The following VPS13B variants were observed in gnomAD, a reference collection of about 807,000 sequenced individuals.
The protein encoded by VPS13B is vacuolar protein sorting 13 homolog B, also known as intermembrane lipid transfer protein VPS13B.
A neutral mutation model predicts 426.4 loss-of-function variants in VPS13B; 285 were observed. That is an observed-to-expected ratio of 0.67 (90% CI 0.61 to 0.74). VPS13B has a LOEUF of 0.74. Ranked by LOEUF, VPS13B falls within the 30% of genes least tolerant of loss-of-function variation. The probability of loss-of-function intolerance (pLI) is 0.00; values close to 1 mark genes in which losing one functional copy is unlikely to be tolerated. For missense variants in VPS13B, 4,537 were observed against 4,782.6 expected (o/e 0.95, Z 1.51); for synonymous variants, 1,676 against 1,676.4 (o/e 1.00, Z 0.01).
At chr8:99,417,237 G>A (rs1400472076) in intron 21 of VPS13B, among the ~76,000 whole-genome samples, 3 of 151,772 alleles carry the variant, frequency 2.0e-5, no homozygotes, top group African/African-American at 2.4e-5. Flanking sequence ...GTTTCTCCCC[G>A]ACTCCTTATA....
At chr8:99,523,105 A>G (rs1418656526) in intron 30 of VPS13B, among the ~76,000 whole-genome samples, 1 of 152,202 alleles carries the variant, frequency 6.6e-6, no homozygotes, top group Non-Finnish European at 1.5e-5. Flanking sequence ...GACAGAAAGT[A>G]TATTAGTGGT....
At chr8:99,647,382 T>A (rs1829622280) in intron 34 of VPS13B, among the ~76,000 whole-genome samples, 1 of 151,832 alleles carries the variant, frequency 6.6e-6, no homozygotes, top group Non-Finnish European at 1.5e-5. Flanking sequence ...GCCAACATGG[T>A]TAAACCCCGT....
intron 30 of VPS13B, among the ~76,000 whole-genome samples, chr8:99,525,843 C>T (rs993666528): frequency 2.0e-5 from 3 of 152,124 alleles, no homozygotes; most frequent in Non-Finnish European, 4.4e-5. Context: ...AGTTAGAAGA[C>T]ACCTCACTGA....
In VPS13B at chr8:99,766,857, T is replaced by C; in HGVS notation, c.7134T>C (p.Val2378=). Residue 2378 remains valine, a synonymous_variant, in exon 40 of 62, where the codon GTT becomes GTC. Transcript: ENST00000357162. ...FREFNLSESK[V]CELQLPDINL... Reference sequence around the variant, plus strand: ...AATTTAATCTGTCTGAAAGCAAAGTTTGTGAACTGCAGTTGCCGGATATCA... The same window carrying C: ...AATTTAATCTGTCTGAAAGCAAAGTCTGTGAACTGCAGTTGCCGGATATCA... The C allele has an allele frequency of 6.2e-7, 1 of 1,614,040 alleles. No individual in the cohort carries two copies. Among genetic ancestry groups the C allele is most frequent in the East Asian group, 2.2e-5 (1 of 44,830 alleles).
rs180854500 is a variant in VPS13B, at chr8:99,419,169, A to G, written c.3083-12368A>G. 5.3e-5 allele frequency among the ~76,000 whole-genome samples: 8 copies of G among 152,278 alleles called. No homozygotes were observed. In the East Asian group the frequency reaches 1.4e-3, roughly 26 times the overall value. ...CATCCCCCTAGTGCTGTCTCCTGGT[A>G]GAGTTCTCAAGAAATCTGATGGTTT... On this transcript the variant is annotated intron_variant, in intron 21 of 61. Transcript: ENST00000357162.
At chr8:99,606,776 C>A (rs935027323) in intron 33 of VPS13B, among the ~76,000 whole-genome samples, 5 of 152,022 alleles carry the variant, frequency 3.3e-5, no homozygotes, top group Non-Finnish European at 4.4e-5. Flanking sequence ...TACAGGCATG[C>A]GCAATCACGC....
At position 99,136,614 on chromosome 8, in the gene VPS13B, A is replaced by G. The variant is rs951185692; in HGVS notation, c.1564-51A>G. The G allele has an allele frequency of 3.8e-6, 6 of 1,598,812 alleles. No individual in the cohort carries two copies. In the East Asian group the frequency reaches 1.3e-4, roughly 36 times the overall value. On this transcript the variant is annotated intron_variant, in intron 11 of 61. Transcript: ENST00000357162. ...GTCTAACCTATCAAGCTTTAAACTC[A>G]AAAGTTTCTTTTATACAATGTTTAT...
At chr8:99,426,042 C>A (rs1157231748) in intron 21 of VPS13B, among the ~76,000 whole-genome samples, 3 of 145,874 alleles carry the variant, frequency 2.1e-5, no homozygotes, top group Non-Finnish European at 4.5e-5. Flanking sequence ...GGTATATCTA[C>A]CAATGCTATC....
intron 33 of VPS13B, among the ~76,000 whole-genome samples, chr8:99,607,031 A>G (rs528929412): frequency 2.7e-4 from 41 of 152,326 alleles, no homozygotes; most frequent in African/African-American, 7.9e-4. Context: ...CAAGATCTAT[A>G]ACCTTAATCA....
intron 2 of VPS13B, among the ~76,000 whole-genome samples, chr8:99,020,852 T>C (rs756920103): frequency 6.6e-6 from 1 of 152,342 alleles, no homozygotes; most frequent in Non-Finnish European, 1.5e-5. Context: ...AGCATCGTAG[T>C]GAGTTTCAGA....
chr8:99,577,643 A>C lies in VPS13B; in HGVS notation c.5220+10A>C, dbSNP rs1221192419. The C allele has an allele frequency of 3.1e-6, 5 of 1,613,130 alleles. No individual in the cohort carries two copies. Among genetic ancestry groups the C allele is most frequent in the African/African-American group, 1.3e-5 (1 of 74,922 alleles). ...AAACAAGGCTGCAGAGGTAACTGTT[A>C]CCTGATTTTGATCAGGCTTACTGCA... On this transcript the variant is annotated intron_variant, in intron 33 of 61. Coordinates refer to ENST00000357162, the MANE Select transcript of VPS13B (RefSeq NM_152564.5).
intron 19 of VPS13B, among the ~76,000 whole-genome samples, chr8:99,378,225 C>T (rs991349850): frequency 5.5e-5 from 8 of 146,296 alleles, no homozygotes; most frequent in Non-Finnish European, 9.0e-5. Context: ...TCCTCTTACC[C>T]GTTTTCAGTA....
chr8:99,795,104 G>A (rs1299320121), intron 43 of VPS13B, among the ~76,000 whole-genome samples: 4 of 152,026 alleles, frequency 2.6e-5, no homozygotes, highest in African/African-American at 4.8e-5. Flanking sequence ...TTTATCTGAC[G>A]GTCCTTCCTT....
chr8:99,253,011 C>T (rs80115287), intron 17 of VPS13B, among the ~76,000 whole-genome samples: 3,072 of 152,036 alleles, frequency 0.02, 115 homozygotes, highest in African/African-American at 0.07. Flanking sequence ...TCCCCACAGC[C>T]CTTGGCAATC....
intron 55 of VPS13B, among the ~76,000 whole-genome samples, chr8:99,849,628 TAGG>T (rs1563507013): frequency 6.6e-6 from 1 of 152,166 alleles, no homozygotes; most frequent in African/African-American, 2.4e-5. Flanking sequence ...TTAAGTGTGT[TAGG>T]AGTTTCAGAG....
chr8:99,855,587 A>C (rs903946451), intron 56 of VPS13B, among the ~76,000 whole-genome samples: 1 of 152,166 alleles, frequency 6.6e-6, no homozygotes, highest in Non-Finnish European at 1.5e-5. Flanking sequence ...TACTTTCTGA[A>C]AGTAACAGAG....
intron 37 of VPS13B, among the ~76,000 whole-genome samples, chr8:99,717,814 G>C (rs1832981654): frequency 6.6e-6 from 1 of 152,120 alleles, no homozygotes; most frequent in East Asian, 1.9e-4. Flanking sequence ...CTTTCACTCA[G>C]CATGTTTTCA....
intron 39 of VPS13B, among the ~76,000 whole-genome samples, chr8:99,744,231 C>T (rs1809941753): frequency 4.6e-5 from 7 of 152,226 alleles, no homozygotes. Flanking sequence ...CTCATCATCA[C>T]TGGCCATCAG....
intron 17 of VPS13B, among the ~76,000 whole-genome samples, chr8:99,219,818 A>G (rs1412304645): frequency 6.6e-6 from 1 of 152,214 alleles, no homozygotes; most frequent in East Asian, 1.9e-4. Context: ...TTTGGAGGGG[A>G]CAAACATTCA....
Sources: gnomAD v4.1 joint callset for allele counts (sites outside exome capture counted in the v4.1 genomes callset) on GRCh38, gnomAD v4.1.1 for gene constraint, MANE v1.5 for transcripts, NCBI Gene and HGNC (gene_info 2026-07-23, HGNC 2026-07-21) for gene names.